The following EDIL3 variants were observed in gnomAD, a reference collection of about 807,000 sequenced individuals.
EDIL3 encodes EGF-like repeat and discoidin I-like domain-containing protein 3.
Under a neutral mutation model 67.4 loss-of-function variants are expected in EDIL3, and 37 were observed. That is an observed-to-expected ratio of 0.55 (90% CI 0.42 to 0.72). The LOEUF (loss-of-function observed/expected upper bound fraction) is 0.72. Among genes scored for constraint, EDIL3 ranks in the 30% least tolerant of loss-of-function variants. The pLI is 0.00. For synonymous variants in EDIL3, 195 were observed against 196.3 expected, an observed-to-expected ratio of 0.99 and a Z score of 0.05; for missense variants, 527 against 586.3, an observed-to-expected ratio of 0.90 and a Z score of 1.04.
chr5:84,341,161 C>A (rs1215955140), intron 1 of EDIL3, among the ~76,000 whole-genome samples: 1 of 151,978 alleles, frequency 6.6e-6, no homozygotes, highest in Non-Finnish European at 1.5e-5. Context: ...TACCAAAACA[C>A]AACTTTTGCA....
intron 2 of EDIL3, among the ~76,000 whole-genome samples, chr5:84,231,565 T>C (rs1485235369): frequency 6.6e-6 from 1 of 150,920 alleles, no homozygotes; most frequent in African/African-American, 2.4e-5. Context: ...TCTTTTCCGT[T>C]AAGGTTACAT....
intron 3 of EDIL3, among the ~76,000 whole-genome samples, chr5:84,217,592 C>T (rs1158559862): frequency 1.3e-5 from 2 of 152,076 alleles, no homozygotes; most frequent in Non-Finnish European, 2.9e-5. Context: ...CCTCAAGAGT[C>T]TAACACAGAA....
At chr5:84,257,828 G>A (rs66466635) in intron 1 of EDIL3, among the ~76,000 whole-genome samples, 24,128 of 152,060 alleles carry the variant, frequency 0.16, 2,089 homozygotes, top group African/African-American at 0.21. Context: ...GAAGGGAGTG[G>A]AGGGGATGAG....
intron 6 of EDIL3, among the ~76,000 whole-genome samples, chr5:84,086,348 C>T (rs187832104): frequency 6.6e-6 from 1 of 152,248 alleles, no homozygotes; most frequent in Non-Finnish European, 1.5e-5. Context: ...GTGGGAAAAG[C>T]GTAGTACCCA....
chr5:84,290,289 G>A (rs1745887579), intron 1 of EDIL3, among the ~76,000 whole-genome samples: 1 of 152,116 alleles, frequency 6.6e-6, no homozygotes, highest in East Asian at 1.9e-4. Context: ...CACTATCTGA[G>A]AGCTCTTTTA....
intron 10 of EDIL3, among the ~76,000 whole-genome samples, chr5:83,955,627 T>C (rs957959194): frequency 1.3e-5 from 2 of 151,762 alleles, no homozygotes; most frequent in African/African-American, 4.8e-5. Context: ...TCATAGCATC[T>C]GTACTAGGTG....
chr5:84,046,127 A>G (rs1746220095), intron 9 of EDIL3, among the ~76,000 whole-genome samples: 1 of 152,224 alleles, frequency 6.6e-6, no homozygotes, highest in Non-Finnish European at 1.5e-5. Context: ...TTTTAAACCA[A>G]AAATGTAGGA....
chr5:84,216,406 A>T (rs927185782), intron 3 of EDIL3, among the ~76,000 whole-genome samples: 2 of 152,234 alleles, frequency 1.3e-5, no homozygotes, highest in African/African-American at 2.4e-5. Context: ...ATAACAAAAA[A>T]GTTGAATAAC....
chr5:84,041,366 A>G (rs1310581107), intron 9 of EDIL3, among the ~76,000 whole-genome samples: 1 of 151,730 alleles, frequency 6.6e-6, no homozygotes, highest in African/African-American at 2.4e-5. Flanking sequence ...GCTGATTCTG[A>G]TGCAGGAGGT....
chr5:84,372,245 A>C (rs1747869858), intron 1 of EDIL3, among the ~76,000 whole-genome samples: 1 of 152,142 alleles, frequency 6.6e-6, no homozygotes, highest in Non-Finnish European at 1.5e-5. Context: ...AAAGGAAAAA[A>C]TATGTACGAC....
intron 9 of EDIL3, among the ~76,000 whole-genome samples, chr5:84,021,008 CAA>C (rs1745705155): frequency 6.6e-6 from 1 of 152,010 alleles, no homozygotes; most frequent in East Asian, 1.9e-4. Context: ...AAAAAGAATT[CAA>C]AGTCAGTCAG....
chr5:84,060,056 T>C (rs1746514024), intron 9 of EDIL3, among the ~76,000 whole-genome samples: 1 of 152,150 alleles, frequency 6.6e-6, no homozygotes, highest in Non-Finnish European at 1.5e-5. Context: ...GACATACACA[T>C]AGTGTGATCT....
intron 6 of EDIL3, among the ~76,000 whole-genome samples, chr5:84,085,444 G>T (rs958085808): frequency 2.0e-5 from 3 of 152,122 alleles, no homozygotes; most frequent in Non-Finnish European, 2.9e-5. Context: ...TCTTCTGCAG[G>T]TCAGCTGCAG....
chr5:84,310,893 C>A (rs982963474), intron 1 of EDIL3, among the ~76,000 whole-genome samples: 1 of 152,132 alleles, frequency 6.6e-6, no homozygotes, highest in Non-Finnish European at 1.5e-5. Context: ...AAAAATCAAC[C>A]CTTGAAGGTA....
At chr5:84,362,881 A>T (rs561948295) in intron 1 of EDIL3, among the ~76,000 whole-genome samples, 3 of 152,318 alleles carry the variant, frequency 2.0e-5, no homozygotes, top group East Asian at 1.9e-4. Flanking sequence ...ATAATAATAA[A>T]AAATTAGTTT....
intron 1 of EDIL3, among the ~76,000 whole-genome samples, chr5:84,348,593 C>CAA (rs34145102): frequency 0.013 from 1,790 of 139,176 alleles, 40 homozygotes; most frequent in African/African-American, 0.044. Flanking sequence ...TCCTCTGTGG[C>CAA]AAAAAAAAAA....
intron 1 of EDIL3, among the ~76,000 whole-genome samples, chr5:84,309,564 A>G (rs1366067055): frequency 1.3e-5 from 2 of 151,192 alleles, no homozygotes; most frequent in Non-Finnish European, 2.9e-5. Flanking sequence ...TCATTGTTCA[A>G]TTCCCACCTA....
chr5:84,195,182 C>A lies in EDIL3; in HGVS notation c.227-14661G>T, dbSNP rs116037164. Reference sequence around the variant, plus strand: ...CAGTTATTTCTTTCCACTATCTTTTCTTATTACCAATACAATTTCTATTAT... The same window carrying A: ...CAGTTATTTCTTTCCACTATCTTTTATTATTACCAATACAATTTCTATTAT... On this transcript the variant is annotated intron_variant, in intron 3 of 10. Transcript: ENST00000296591. Among the ~76,000 whole-genome samples, 1,409 of 151,994 alleles carry A rather than the reference C, an allele frequency of 9.3e-3. 15 individuals are homozygous for A. Among genetic ancestry groups the A allele is most frequent in the African/African-American group, 0.029 (1,184 of 41,504 alleles).
At chr5:84,118,654 A>T (rs890696755) in intron 5 of EDIL3, among the ~76,000 whole-genome samples, 6 of 152,176 alleles carry the variant, frequency 3.9e-5, no homozygotes, top group Admixed American at 2.6e-4. Context: ...TCATGGAAGC[A>T]TTTCAGTTGT....
Sources: gnomAD v4.1 joint callset for allele counts (sites outside exome capture counted in the v4.1 genomes callset) on GRCh38, gnomAD v4.1.1 for gene constraint, MANE v1.5 for transcripts, NCBI Gene and HGNC (gene_info 2026-07-23, HGNC 2026-07-21) for gene names.